GPC6: variants seen among roughly 807,000 people sequenced by gnomAD.
The protein encoded by GPC6 is glypican-6.
In GPC6, 14 loss-of-function variants were observed where a neutral mutation model predicts 55.2. The observed-to-expected ratio is 0.25, with a 90% CI of 0.17 to 0.40. The LOEUF (loss-of-function observed/expected upper bound fraction) is 0.40. Among genes scored for constraint, GPC6 ranks in the 10% least tolerant of loss-of-function variants. GPC6 has a pLI of 1.00. For missense variants in GPC6, 641 were observed against 708.5 expected (o/e 0.90, Z 1.08); for synonymous variants, 278 against 259.6 (o/e 1.07, Z -0.68).
chr13:93,774,316 C>T (rs1385599153), intron 2 of GPC6, among the ~76,000 whole-genome samples: 1 of 152,100 alleles, frequency 6.6e-6, no homozygotes, highest in Non-Finnish European at 1.5e-5. Context: ...TAGTCTTTGC[C>T]TACAATCCTG....
At chr13:93,295,109 CAAA>C (rs71202577) in intron 1 of GPC6, among the ~76,000 whole-genome samples, 2 of 61,826 alleles carry the variant, frequency 3.2e-5, no homozygotes, top group Non-Finnish European at 6.2e-5. Context: ...TCTGTCTCTG[CAAA>C]AAAAAAAAAA....
rs558443493 is a variant in GPC6 at position 93,242,722 on chromosome 13, C to T, written c.160+15106C>T. Among the ~76,000 whole-genome samples, 11 of 152,276 alleles carry T rather than the reference C, an allele frequency of 7.2e-5. No homozygotes were observed. In the South Asian group the frequency reaches 1.7e-3, roughly 23 times the overall value. On this transcript the variant is annotated intron_variant, in intron 1 of 8. Transcript: ENST00000377047. ...TCCTAGCCCACAAGCAGCAAGTTCA[C>T]GGACACAGAAAAGCCTGCACTCTGT...
chr13:93,425,698 C>A (rs2139266167), intron 1 of GPC6, among the ~76,000 whole-genome samples: 1 of 152,260 alleles, frequency 6.6e-6, no homozygotes, highest in South Asian at 2.1e-4. Context: ...AGTGACTGAT[C>A]TTGTCAATTC....
intron 3 of GPC6, among the ~76,000 whole-genome samples, chr13:93,843,412 A>G (rs1433864434): frequency 6.6e-6 from 1 of 152,134 alleles, no homozygotes; most frequent in Non-Finnish European, 1.5e-5. Context: ...TTTCATTCAA[A>G]AGGGAAAAGA....
chr13:94,376,417 A>G (rs1356329656), intron 6 of GPC6, among the ~76,000 whole-genome samples: 1 of 151,822 alleles, frequency 6.6e-6, no homozygotes, highest in Non-Finnish European at 1.5e-5. Context: ...AGACAAACAG[A>G]GAGCCAAATC....
At chr13:94,294,240 T>TA (rs1178629297) in intron 5 of GPC6, among the ~76,000 whole-genome samples, 1 of 152,144 alleles carries the variant, frequency 6.6e-6, no homozygotes, top group Non-Finnish European at 1.5e-5. Flanking sequence ...ATTTCAAACC[T>TA]AATATCTAGG....
chr13:93,420,992 A>G (rs1178578266), intron 1 of GPC6, among the ~76,000 whole-genome samples: 1 of 152,126 alleles, frequency 6.6e-6, no homozygotes, highest in African/African-American at 2.4e-5. Flanking sequence ...ATCTCCAGAA[A>G]GAACTTCAAC....
intron 4 of GPC6, among the ~76,000 whole-genome samples, chr13:94,271,644 CA>C (rs148222231): frequency 0.018 from 2,716 of 152,176 alleles, 65 homozygotes; most frequent in African/African-American, 0.062. Context: ...AAACTAATCT[CA>C]GTGCCCTAAA....
chr13:93,329,259 T>G (rs927932875), intron 1 of GPC6, among the ~76,000 whole-genome samples: 1 of 152,158 alleles, frequency 6.6e-6, no homozygotes, highest in Admixed American at 6.6e-5. Flanking sequence ...CTTTCCCTTC[T>G]GATTCTGATC....
At chr13:93,335,971 T>C (rs902544297) in intron 1 of GPC6, among the ~76,000 whole-genome samples, 8 of 152,230 alleles carry the variant, frequency 5.3e-5, no homozygotes, top group African/African-American at 1.9e-4. Flanking sequence ...TTGCACTTAA[T>C]GTGTGCTTAC....
At chr13:93,862,253 G>A (rs902994073) in intron 3 of GPC6, among the ~76,000 whole-genome samples, 1 of 151,568 alleles carries the variant, frequency 6.6e-6, no homozygotes, top group Non-Finnish European at 1.5e-5. Context: ...CATTTCTAAG[G>A]TATTTAGGAA....
At chr13:93,927,782 T>C (rs1183700179) in intron 3 of GPC6, among the ~76,000 whole-genome samples, 1 of 152,130 alleles carries the variant, frequency 6.6e-6, no homozygotes, top group Admixed American at 6.6e-5. Context: ...TTCAAGAATT[T>C]AACACAATTC....
At chr13:93,704,020 A>G (rs1018873126) in intron 2 of GPC6, among the ~76,000 whole-genome samples, 6 of 152,044 alleles carry the variant, frequency 3.9e-5, no homozygotes, top group African/African-American at 1.4e-4. Flanking sequence ...TAAGTAGCCA[A>G]TAATTTAGGG....
At chr13:94,221,508 G>A (rs1468677757) in intron 4 of GPC6, among the ~76,000 whole-genome samples, 1 of 152,028 alleles carries the variant, frequency 6.6e-6, no homozygotes, top group East Asian at 1.9e-4. Flanking sequence ...ATATGTAAAA[G>A]GCATTACCTG....
intron 2 of GPC6, among the ~76,000 whole-genome samples, chr13:93,564,912 T>C (rs1477544474): frequency 6.6e-6 from 1 of 152,190 alleles, no homozygotes; most frequent in African/African-American, 2.4e-5. Context: ...TTTACAAATT[T>C]CCCTATCCTT....
At chr13:93,791,939 C>T (rs967351106) in intron 2 of GPC6, among the ~76,000 whole-genome samples, 1 of 152,102 alleles carries the variant, frequency 6.6e-6, no homozygotes, top group Non-Finnish European at 1.5e-5. Context: ...AGTCTTATTC[C>T]CTAAGGATTT....
At chr13:93,761,682 T>G (rs1594434618) in intron 2 of GPC6, among the ~76,000 whole-genome samples, 1 of 152,108 alleles carries the variant, frequency 6.6e-6, no homozygotes, top group East Asian at 1.9e-4. Flanking sequence ...TTTTTTAAAA[T>G]TATTGTTTGT....
chr13:94,222,268 G>A (rs935727963), intron 4 of GPC6, among the ~76,000 whole-genome samples: 1 of 152,072 alleles, frequency 6.6e-6, no homozygotes, highest in Non-Finnish European at 1.5e-5. Flanking sequence ...TAGGAGTTTG[G>A]AGTTGTGCCA....
In GPC6 at chr13:93,643,435, C is replaced by T. The variant is rs147791146; in HGVS notation, c.319+98014C>T. Among the ~76,000 whole-genome samples the T allele has an allele frequency of 5.3e-4, 80 of 152,102 alleles. 1 individual carries two copies. The highest frequency in any genetic ancestry group is 1.6e-3 in the African/African-American group (68 of 41,496). ...ATTTTTACAAGTACAAGGGAGCCCC[C>T]ACAGGAAATGACCCAAAGAAGTGGC... On this transcript the variant is annotated intron_variant, in intron 2 of 8. Coordinates refer to ENST00000377047, the MANE Select transcript of GPC6 (RefSeq NM_005708.5).
Sources: allele counts gnomAD v4.1 joint callset (sites outside exome capture counted in the v4.1 genomes callset), GRCh38; gene constraint gnomAD v4.1.1; transcripts MANE v1.5; gene names NCBI Gene and HGNC (gene_info 2026-07-23, HGNC 2026-07-21).